ADGRV1: variants seen among roughly 807,000 people sequenced by gnomAD.
The protein encoded by ADGRV1 is adhesion G protein-coupled receptor V1.
In ADGRV1, 359 loss-of-function variants were observed where a neutral mutation model predicts 596.2. That is an observed-to-expected ratio of 0.60 (90% CI 0.55 to 0.66). The LOEUF (loss-of-function observed/expected upper bound fraction) is 0.66. Ranked by LOEUF, ADGRV1 falls within the 30% of genes least tolerant of loss-of-function variation. ADGRV1 has a pLI of 0.00. For synonymous variants in ADGRV1, 2,681 were observed against 2,679.2 expected, an observed-to-expected ratio of 1.00 and a Z score of -0.02; for missense variants, 7,274 against 7,575.6, an observed-to-expected ratio of 0.96 and a Z score of 1.48.
In ADGRV1 at chr5:91,058,158, AAC is replaced by A. The variant is rs371028094; in HGVS notation, c.18153-14287_18153-14286del. On this transcript the variant is annotated intron_variant, in intron 85 of 89. Coordinates refer to ENST00000405460, the MANE Select transcript of ADGRV1 (RefSeq NM_032119.4). ...CATTATAGCACTGACCAGGAGTTTA[AAC>A]AGTCAGGTGCTGGGCAGGCCTCAGA... 3.7e-3 allele frequency among the ~76,000 whole-genome samples: 571 copies of A among 152,270 alleles called. 2 individuals are homozygous for A. The highest frequency in any genetic ancestry group is 0.013 in the African/African-American group (526 of 41,564).
intron 86 of ADGRV1, among the ~76,000 whole-genome samples, chr5:91,075,534 G>A (rs74957868): frequency 0.016 from 2,488 of 152,210 alleles, 62 homozygotes; most frequent in African/African-American, 0.055. Context: ...ATCTTAATGA[G>A]GGAACCCTCT....
At chr5:90,880,130 G>A (rs866628912) in intron 83 of ADGRV1, among the ~76,000 whole-genome samples, 2 of 151,816 alleles carry the variant, frequency 1.3e-5, no homozygotes, top group South Asian at 2.1e-4. Context: ...TCTCACAATA[G>A]TGCTATCAGT....
chr5:91,047,125 A>G (rs563147165), intron 85 of ADGRV1, among the ~76,000 whole-genome samples: 88 of 152,336 alleles, frequency 5.8e-4, no homozygotes, highest in African/African-American at 1.9e-3. Flanking sequence ...GTAGAATAAA[A>G]TAGTACTGAT....
chr5:91,033,120 T>C (rs1335004228), intron 85 of ADGRV1, among the ~76,000 whole-genome samples: 2 of 152,220 alleles, frequency 1.3e-5, no homozygotes, highest in Non-Finnish European at 2.9e-5. Context: ...GAGCTTTTTG[T>C]TAACTTCCTT....
chr5:90,847,929 G>T (rs1766077621), intron 78 of ADGRV1, among the ~76,000 whole-genome samples: 1 of 152,176 alleles, frequency 6.6e-6, no homozygotes, highest in Non-Finnish European at 1.5e-5. Flanking sequence ...GGGCTGAAGG[G>T]CTCCTCAAGC....
chr5:90,957,904 A>G (rs1777623873), intron 83 of ADGRV1, among the ~76,000 whole-genome samples: 1 of 151,926 alleles, frequency 6.6e-6, no homozygotes, highest in African/African-American at 2.4e-5. Context: ...TCTTAATACA[A>G]TGTTAGCAAG....
chr5:90,935,162 G>C (rs563943278), intron 83 of ADGRV1, among the ~76,000 whole-genome samples: 1 of 152,292 alleles, frequency 6.6e-6, no homozygotes, highest in African/African-American at 2.4e-5. Flanking sequence ...CTTAATCAGT[G>C]AAAGTATTAA....
intron 54 of ADGRV1, 25 bp downstream of exon 54, chr5:90,753,854 A>C (rs765115383): frequency 1.3e-6 from 2 of 1,536,368 alleles, no homozygotes; most frequent in Admixed American, 4.0e-5. Context: ...ATATCTTTCA[A>C]GTTTTAATGA....
In ADGRV1 at chr5:90,712,349, C is replaced by T. The variant is rs2149722457; in HGVS notation, c.9105C>T (p.Asp3035=). The T allele has an allele frequency of 1.9e-6, 3 of 1,565,996 alleles. No individual in the cohort carries two copies. The highest frequency in any genetic ancestry group is 2.3e-5 in the South Asian group (2 of 85,802). Residue 3035 remains aspartate, a synonymous_variant, in exon 42 of 90, where the codon GAC becomes GAT. Transcript: ENST00000405460. ...TCAATATCATGATTCTTGATGATGACATTCCAGAAGGAGATGAAAAATTTC... is the reference window on the plus strand; with the variant it reads ...TCAATATCATGATTCTTGATGATGATATTCCAGAAGGAGATGAAAAATTTC... The part of the protein sequence containing the change: ...KNVNIMILDD[D]IPEGDEKFQL...
intron 85 of ADGRV1, among the ~76,000 whole-genome samples, chr5:91,016,997 T>C (rs1783225726): frequency 6.6e-6 from 1 of 151,836 alleles, no homozygotes. Context: ...AACTGAAGAG[T>C]TCCAATGGGA....
intron 83 of ADGRV1, among the ~76,000 whole-genome samples, chr5:90,948,216 T>C (rs1776760615): frequency 6.6e-6 from 1 of 152,206 alleles, no homozygotes; most frequent in Admixed American, 6.5e-5. Context: ...TCCAGGAGTC[T>C]GGTTCCAAAG....
chr5:90,637,055 A>C (rs1367221999), intron 10 of ADGRV1, among the ~76,000 whole-genome samples: 1 of 152,162 alleles, frequency 6.6e-6, no homozygotes, highest in Non-Finnish European at 1.5e-5. Context: ...TACTGTGGAG[A>C]GGCACTGTCC....
intron 4 of ADGRV1, 55 bp from the exon 5 acceptor site, chr5:90,622,542 C>A: frequency 1.4e-6 from 1 of 725,518 alleles, no homozygotes; most frequent in Non-Finnish European, 2.1e-6. Flanking sequence ...GTTTTTACCG[C>A]CTCATACCTC....
chr5:90,929,699 A>C (rs1775027083), intron 83 of ADGRV1: 1 of 152,224 alleles, frequency 6.6e-6, no homozygotes, highest in South Asian at 2.1e-4. Context: ...CTCAGATTAA[A>C]AGTTGTTTTC....
intron 85 of ADGRV1, among the ~76,000 whole-genome samples, chr5:91,038,370 TG>T (rs1785074663): frequency 6.6e-6 from 1 of 152,112 alleles, no homozygotes; most frequent in Non-Finnish European, 1.5e-5. Context: ...GCCCCTCCAT[TG>T]TTGTATGAGG....
chr5:91,138,760 T>C (rs1794855663), intron 87 of ADGRV1, among the ~76,000 whole-genome samples: 1 of 151,624 alleles, frequency 6.6e-6, no homozygotes, highest in Admixed American at 6.6e-5. Context: ...TTTTGCCAAT[T>C]TTATTGGTAA....
At chr5:90,595,201 C>T (rs1420345961) in intron 1 of ADGRV1, among the ~76,000 whole-genome samples, 13 of 63,732 alleles carry the variant, frequency 2.0e-4, no homozygotes, top group Middle Eastern at 0.011. Context: ...GGCGGCTGGC[C>T]GGGCGGGGGG....
At chr5:90,958,137 A>G (rs1298045821) in intron 83 of ADGRV1, among the ~76,000 whole-genome samples, 1 of 151,328 alleles carries the variant, frequency 6.6e-6, no homozygotes, top group Non-Finnish European at 1.5e-5. Flanking sequence ...TAAAAAAATT[A>G]GACAGGCCAG....
intron 70 of ADGRV1, among the ~76,000 whole-genome samples, chr5:90,795,076 A>T (rs1223019121): frequency 6.8e-6 from 1 of 147,168 alleles, no homozygotes; most frequent in African/African-American, 2.5e-5. Context: ...ACACCGATCT[A>T]GCTGCAGAAG....
Sources: gnomAD v4.1 joint callset for allele counts (sites outside exome capture counted in the v4.1 genomes callset) on GRCh38, gnomAD v4.1.1 for gene constraint, MANE v1.5 for transcripts, NCBI Gene and HGNC (gene_info 2026-07-23, HGNC 2026-07-21) for gene names.